FBXL17: variants seen among roughly 807,000 people sequenced by gnomAD.
FBXL17 encodes the protein F-box and leucine rich repeat protein 17.
Under a neutral mutation model 66.2 loss-of-function variants are expected in FBXL17, and 22 were observed. The ratio of observed to expected loss-of-function variants is 0.33; its 90% CI spans 0.24 to 0.47. FBXL17 has a LOEUF of 0.47. Among genes scored for constraint, FBXL17 ranks in the 20% least tolerant of loss-of-function variants. The probability of loss-of-function intolerance (pLI) is 1.00; values close to 1 mark genes in which losing one functional copy is unlikely to be tolerated. For missense variants in FBXL17, 878 were observed against 948.2 expected (o/e 0.93, Z 0.97); for synonymous variants, 474 against 400.5 (o/e 1.18, Z -2.19).
chr5:108,201,966 G>C (rs1054044735), intron 5 of FBXL17, among the ~76,000 whole-genome samples: 2 of 151,782 alleles, frequency 1.3e-5, no homozygotes, highest in East Asian at 1.9e-4. Context: ...TTTTACAAGA[G>C]TATTTTCAAC....
intron 6 of FBXL17, among the ~76,000 whole-genome samples, chr5:108,042,085 G>C (rs1465911501): frequency 6.6e-6 from 1 of 151,980 alleles, no homozygotes; most frequent in Non-Finnish European, 1.5e-5. Flanking sequence ...AGTAGAGAGG[G>C]GGTTTCTCCA....
chr5:108,140,286 C>G, intron 6 of FBXL17, among the ~76,000 whole-genome samples: 1 of 152,148 alleles, frequency 6.6e-6, no homozygotes, highest in Non-Finnish European at 1.5e-5. Context: ...GGTCAAGTGA[C>G]CCACCTGCCT....
chr5:108,293,913 T>C (rs1022728247), intron 4 of FBXL17, among the ~76,000 whole-genome samples: 10 of 151,514 alleles, frequency 6.6e-5, no homozygotes, highest in Non-Finnish European at 1.5e-5. Flanking sequence ...TGGTGGCACA[T>C]GCCTGTAATT....
At chr5:108,038,078 C>T (rs992116355) in intron 6 of FBXL17, among the ~76,000 whole-genome samples, 3 of 151,976 alleles carry the variant, frequency 2.0e-5, no homozygotes, top group African/African-American at 7.2e-5. Flanking sequence ...TGTTCTTCAA[C>T]AAATAAATGA....
intron 7 of FBXL17, among the ~76,000 whole-genome samples, chr5:108,009,574 T>C (rs1356872186): frequency 6.6e-6 from 1 of 151,806 alleles, no homozygotes; most frequent in African/African-American, 2.4e-5. Context: ...AAGTTCAAAG[T>C]ATTTATTTAA....
chr5:108,035,396 C>T (rs113305069), intron 6 of FBXL17, among the ~76,000 whole-genome samples: 2,039 of 151,812 alleles, frequency 0.013, 48 homozygotes, highest in African/African-American at 0.047. Context: ...GATGGAGTGT[C>T]GCTTTTGTTG....
intron 7 of FBXL17, among the ~76,000 whole-genome samples, chr5:107,999,861 A>G (rs1478224229): frequency 1.3e-5 from 2 of 152,252 alleles, no homozygotes; most frequent in Non-Finnish European, 2.9e-5. Context: ...AACAGTCTGA[A>G]GTGGAGATGC....
chr5:107,888,840 G>A (rs1481581237), intron 7 of FBXL17, among the ~76,000 whole-genome samples: 3 of 152,052 alleles, frequency 2.0e-5, no homozygotes, highest in Non-Finnish European at 2.9e-5. Flanking sequence ...CATTTCATGT[G>A]GGTAATTGCC....
intron 6 of FBXL17, among the ~76,000 whole-genome samples, chr5:108,124,977 T>C (rs1300020035): frequency 1.3e-5 from 2 of 151,984 alleles, no homozygotes; most frequent in Non-Finnish European, 2.9e-5. Context: ...ATCCTAAATA[T>C]AAAAATCCAT....
intron 7 of FBXL17, among the ~76,000 whole-genome samples, chr5:107,990,314 A>T (rs1192281453): frequency 6.6e-6 from 1 of 152,148 alleles, no homozygotes; most frequent in African/African-American, 2.4e-5. Context: ...GGGAGCAGAA[A>T]CTCATTTGGT....
chr5:108,361,859 C>A (rs1436305011), intron 3 of FBXL17, among the ~76,000 whole-genome samples: 2 of 152,248 alleles, frequency 1.3e-5, no homozygotes, highest in East Asian at 3.9e-4. Context: ...ATAAGGTCTG[C>A]TCTGTTCCCT....
intron 6 of FBXL17, among the ~76,000 whole-genome samples, chr5:108,120,743 G>A (rs749945166): frequency 2.0e-5 from 3 of 152,136 alleles, no homozygotes; most frequent in Non-Finnish European, 2.9e-5. Flanking sequence ...TGAGGCAGGA[G>A]GATTCTTTGA....
At chr5:108,204,573 G>C (rs1467824095) in intron 5 of FBXL17, among the ~76,000 whole-genome samples, 1 of 152,162 alleles carries the variant, frequency 6.6e-6, no homozygotes, top group East Asian at 1.9e-4. Context: ...ACATTATATT[G>C]ATGAAGTTAC....
At chr5:108,358,113 T>G (rs1170588571) in intron 3 of FBXL17, among the ~76,000 whole-genome samples, 1 of 152,168 alleles carries the variant, frequency 6.6e-6, no homozygotes, top group Non-Finnish European at 1.5e-5. Context: ...CATAAAATAA[T>G]GTCATCTTCG....
chr5:108,147,939 T>C (rs1435823118), intron 6 of FBXL17, among the ~76,000 whole-genome samples: 2 of 151,514 alleles, frequency 1.3e-5, no homozygotes, highest in Admixed American at 6.6e-5. Context: ...TAGAATTTAA[T>C]ATTCAGCCAA....
At chr5:107,945,091 T>TA (rs907092693) in intron 7 of FBXL17, among the ~76,000 whole-genome samples, 2 of 151,614 alleles carry the variant, frequency 1.3e-5, no homozygotes, top group Non-Finnish European at 1.5e-5. Flanking sequence ...ATCTTCTAAA[T>TA]AAAAAAAAGA....
In FBXL17 at chr5:108,348,435, C is replaced by T. The variant is rs936731634; in HGVS notation, c.1470G>A (p.Leu490=). ...EGMIVIAKGC[L]KLQRIYMQEN... Reference sequence around the variant, plus strand: ...CCTGCATGTATATCCTTTGTAATTTCAGACAGCCCTTAGCTATGACGATCA... The same window carrying T: ...CCTGCATGTATATCCTTTGTAATTTTAGACAGCCCTTAGCTATGACGATCA... Residue 490 remains leucine (L), a synonymous_variant, in exon 4 of 9, where the codon CTG becomes CTA. Coordinates refer to ENST00000542267, the MANE Select transcript of FBXL17 (RefSeq NM_001163315.3). 2.5e-6 allele frequency: 4 copies of T among 1,613,546 alleles called. No individual in the cohort carries two copies. Among genetic ancestry groups the T allele is most frequent in the Non-Finnish European group, 3.4e-6 (4 of 1,179,610 alleles).
chr5:108,177,911 G>GTGTATATATA (rs1752852306), intron 6 of FBXL17, among the ~76,000 whole-genome samples: 2 of 115,244 alleles, frequency 1.7e-5, no homozygotes, highest in South Asian at 5.7e-4. Context: ...AAAAAAAAAT[G>GTGTATATATA]TATATATATA....
At chr5:108,202,438 G>A (rs565030024) in intron 5 of FBXL17, among the ~76,000 whole-genome samples, 1 of 152,216 alleles carries the variant, frequency 6.6e-6, no homozygotes, top group South Asian at 2.1e-4. Flanking sequence ...TGCTTATGTA[G>A]ATGTTGTCTA....
Sources: gnomAD v4.1 joint callset for allele counts (sites outside exome capture counted in the v4.1 genomes callset) on GRCh38, gnomAD v4.1.1 for gene constraint, MANE v1.5 for transcripts, NCBI Gene and HGNC (gene_info 2026-07-23, HGNC 2026-07-21) for gene names.